MAN2A1: variants seen among roughly 807,000 people sequenced by gnomAD.
MAN2A1 encodes mannosidase alpha class 2A member 1.
In MAN2A1, 76 loss-of-function variants were observed where a neutral mutation model predicts 142.6. That is an observed-to-expected ratio of 0.53 (90% confidence interval 0.44 to 0.65). MAN2A1 has a LOEUF of 0.65. MAN2A1 is among the 30% of genes least tolerant of loss of function. The pLI is 0.00. For synonymous variants in MAN2A1, 559 were observed against 473.2 expected (o/e 1.18, Z -2.35); for missense variants, 1,311 against 1,365.1 (o/e 0.96, Z 0.62).
intron 20 of MAN2A1, among the ~76,000 whole-genome samples, chr5:109,858,571 C>T (rs970813975): frequency 2.6e-5 from 4 of 152,316 alleles, no homozygotes; most frequent in Middle Eastern, 3.4e-3. Context: ...GAGAATGCAA[C>T]TCATTTTTCC....
In MAN2A1 at chr5:109,747,696, C is replaced by A. The variant is rs374685823; in HGVS notation, c.708-7633C>A. Among the ~76,000 whole-genome samples, 177 of 152,216 alleles carry A rather than the reference C, an allele frequency of 1.2e-3. 1 individual carries two copies. The highest frequency in any genetic ancestry group is 0.011 in the South Asian group (54 of 4,826). On this transcript the variant is annotated intron_variant, in intron 4 of 21. Transcript: ENST00000261483. ...CTAAAACATTATTCTCTAGGGCTTTCCCCAAATTGTTTTAGAACAAGCAAG... is the reference window on the plus strand; with the variant it reads ...CTAAAACATTATTCTCTAGGGCTTTACCCAAATTGTTTTAGAACAAGCAAG...
At chr5:109,859,956 A>ATC (rs930094480) in intron 20 of MAN2A1, among the ~76,000 whole-genome samples, 4 of 149,934 alleles carry the variant, frequency 2.7e-5, no homozygotes, top group African/African-American at 9.8e-5. Flanking sequence ...ATATATATAT[A>ATC]TCTTAACTCT....
intron 7 of MAN2A1, among the ~76,000 whole-genome samples, chr5:109,772,443 C>T (rs1056180801): frequency 1.3e-5 from 2 of 152,200 alleles, no homozygotes. Context: ...ATCCATATAT[C>T]ACCTTCGTTT....
At chr5:109,828,949 A>C (rs1423661749) in intron 16 of MAN2A1, among the ~76,000 whole-genome samples, 1 of 152,238 alleles carries the variant, frequency 6.6e-6, no homozygotes, top group Non-Finnish European at 1.5e-5. Context: ...GTGGATTTAT[A>C]ACCTGACTCT....
chr5:109,836,974 T>C (rs1046104202), intron 16 of MAN2A1, among the ~76,000 whole-genome samples: 2 of 151,790 alleles, frequency 1.3e-5, no homozygotes, highest in African/African-American at 4.8e-5. Flanking sequence ...GATGTTTCTC[T>C]GCCAAGAGAG....
At chr5:109,792,422 A>G (rs1056032416) in intron 12 of MAN2A1, among the ~76,000 whole-genome samples, 6 of 151,932 alleles carry the variant, frequency 3.9e-5, no homozygotes, top group Non-Finnish European at 8.8e-5. Context: ...TTTTGTCTTC[A>G]ATTTCCTATG....
chr5:109,702,337 G>C (rs1751010236), intron 1 of MAN2A1, among the ~76,000 whole-genome samples: 1 of 151,766 alleles, frequency 6.6e-6, no homozygotes, highest in African/African-American at 2.4e-5. Flanking sequence ...GTGTGTGTGT[G>C]TGTGTGTGTG....
At chr5:109,802,860 GT>G (rs1276350408) in intron 12 of MAN2A1, among the ~76,000 whole-genome samples, 2 of 151,658 alleles carry the variant, frequency 1.3e-5, no homozygotes, top group Non-Finnish European at 2.9e-5. Flanking sequence ...AAGATTTATC[GT>G]TCTATTCTTG....
At chr5:109,746,788 C>T (rs1752419247) in intron 4 of MAN2A1, among the ~76,000 whole-genome samples, 1 of 152,142 alleles carries the variant, frequency 6.6e-6, no homozygotes, top group Non-Finnish European at 1.5e-5. Flanking sequence ...TTGCTCCTGG[C>T]AACCACTGTT....
intron 4 of MAN2A1, among the ~76,000 whole-genome samples, chr5:109,752,057 G>T (rs987993561): frequency 1.3e-5 from 2 of 152,082 alleles, no homozygotes; most frequent in African/African-American, 4.8e-5. Flanking sequence ...CAATTGCACT[G>T]TTTGTGTATT....
chr5:109,808,350 A>G (rs996954906), intron 12 of MAN2A1, among the ~76,000 whole-genome samples: 3 of 152,214 alleles, frequency 2.0e-5, no homozygotes, highest in Non-Finnish European at 4.4e-5. Flanking sequence ...ATTCACTGAT[A>G]ACCCTAGAAC....
rs1257482414 is a variant in MAN2A1, at chr5:109,809,068, G to GT, written c.1944-8199dup. Among the ~76,000 whole-genome samples the GT allele has an allele frequency of 4.6e-5, 7 of 152,024 alleles. No individual in the cohort carries two copies. In the East Asian group the frequency reaches 5.8e-4, roughly 13 times the overall value. ...AAAGACAGACTATTTCTAAGTTATAGTTTTTTCTGATTATAAAATTATAAA... is the reference window on the plus strand; with the variant it reads ...AAAGACAGACTATTTCTAAGTTATAGTTTTTTTCTGATTATAAAATTATAAA... On this transcript the variant is annotated intron_variant, in intron 12 of 21. Transcript: ENST00000261483.
chr5:109,739,523 C>T (rs1034703269), intron 4 of MAN2A1, among the ~76,000 whole-genome samples: 2 of 152,132 alleles, frequency 1.3e-5, no homozygotes, highest in African/African-American at 4.8e-5. Context: ...GTTCAGTACT[C>T]TGGTATTGAG....
chr5:109,788,781 G>GA (rs1753662924), intron 10 of MAN2A1, among the ~76,000 whole-genome samples, 153 bp from the exon 11 acceptor site: 1 of 151,670 alleles, frequency 6.6e-6, no homozygotes, highest in Non-Finnish European at 1.5e-5. Context: ...AGTTCTAGGG[G>GA]AAAAAAGAGC....
chr5:109,821,362 A>G (rs915227364), intron 15 of MAN2A1, among the ~76,000 whole-genome samples: 1 of 152,156 alleles, frequency 6.6e-6, no homozygotes, highest in Non-Finnish European at 1.5e-5. Flanking sequence ...CTACCATAAC[A>G]TTGTAATAAG....
chr5:109,763,692 A>C (rs1752915526), intron 5 of MAN2A1, among the ~76,000 whole-genome samples: 1 of 151,970 alleles, frequency 6.6e-6, no homozygotes, highest in African/African-American at 2.4e-5. Flanking sequence ...AATTTAGGAC[A>C]TGTTATTTTG....
chr5:109,855,102 A>G, intron 19 of MAN2A1, 38 bp from the exon 20 acceptor site: 1 of 1,163,230 alleles, frequency 8.6e-7, no homozygotes, highest in Non-Finnish European at 1.2e-6. Flanking sequence ...AGAACTGGAA[A>G]TATAGACCTC....
intron 1 of MAN2A1, among the ~76,000 whole-genome samples, chr5:109,702,620 TAAC>T (rs1204958204): frequency 6.6e-6 from 1 of 152,148 alleles, no homozygotes; most frequent in Non-Finnish European, 1.5e-5. Context: ...TAGGGTCAAA[TAAC>T]AACACTTGAT....
At chr5:109,721,837 A>G (rs538609207) in intron 3 of MAN2A1, among the ~76,000 whole-genome samples, 73 of 152,334 alleles carry the variant, frequency 4.8e-4, no homozygotes, top group African/African-American at 1.6e-3. Flanking sequence ...GGGTGCTTCA[A>G]AACTCTCCAG....
Sources: gnomAD v4.1 joint callset for allele counts (sites outside exome capture counted in the v4.1 genomes callset) on GRCh38, gnomAD v4.1.1 for gene constraint, MANE v1.5 for transcripts, NCBI Gene and HGNC (gene_info 2026-07-23, HGNC 2026-07-21) for gene names.